GNPAT: variants seen among roughly 807,000 people sequenced by gnomAD.
GNPAT encodes the protein dihydroxyacetone phosphate acyltransferase.
GNPAT carries 30 observed loss-of-function variants against 78.4 expected under a neutral mutation model. The ratio of observed to expected loss-of-function variants is 0.38; its 90% CI spans 0.29 to 0.52. GNPAT has a LOEUF of 0.52. GNPAT is among the 20% of genes least tolerant of loss of function. The probability of loss-of-function intolerance (pLI) is 0.84; values close to 1 mark genes in which losing one functional copy is unlikely to be tolerated. For synonymous variants in GNPAT, 271 were observed against 281.1 expected (o/e 0.96, Z 0.36); for missense variants, 714 against 812.2 (o/e 0.88, Z 1.47).
chr1:231,266,256 C>A (rs187380885), intron 7 of GNPAT, 21 bp from the exon 8 acceptor site: 3 of 1,613,782 alleles, frequency 1.9e-6, no homozygotes, highest in African/African-American at 2.7e-5. Flanking sequence ...TTTTCTTCCC[C>A]CCCTGTTATG....
intron 14 of GNPAT, among the ~76,000 whole-genome samples, chr1:231,275,835 A>G (rs761756949): frequency 6.6e-6 from 1 of 152,254 alleles, no homozygotes; most frequent in Non-Finnish European, 1.5e-5. Flanking sequence ...TAATACATAT[A>G]TAGATACATA....
rs1173895630 is a variant in GNPAT, at chr1:231,266,392, A to G, written c.1040A>G (p.Tyr347Cys). 4 of 1,614,046 alleles carry G rather than the reference A, an allele frequency of 2.5e-6. No homozygotes were observed. The highest frequency in any genetic ancestry group is 1.1e-5 in the South Asian group (1 of 91,074). Residue 347 changes from tyrosine (Y) to cysteine (C), a missense_variant, in exon 8 of 16, where the codon TAT becomes TGT. Coordinates refer to ENST00000366647, the MANE Select transcript of GNPAT (RefSeq NM_014236.4). ...GCTGGGAGGATGAGTCGGAGCTCAT[A>G]TAACTTGGTTCCAAGGTGTGACCTG... ...LAAGRMSRSS[Y>C]NLVPRYIPQK...
intron 1 of GNPAT, among the ~76,000 whole-genome samples, chr1:231,244,435 T>C (rs1402142154): frequency 6.6e-6 from 1 of 152,184 alleles, no homozygotes; most frequent in Non-Finnish European, 1.5e-5. Flanking sequence ...TTTGGAACCA[T>C]TTGAATGTGG....
chr1:231,241,493 G>A (rs769584854), intron 1 of GNPAT, 37 bp downstream of exon 1: 1 of 1,399,794 alleles, frequency 7.1e-7, no homozygotes, highest in Non-Finnish European at 1.0e-6. Context: ...GAGCGGAGCC[G>A]CGCGAAATAG....
chr1:231,256,097 T>G (rs543953593), intron 2 of GNPAT, among the ~76,000 whole-genome samples: 14 of 152,312 alleles, frequency 9.2e-5, no homozygotes, highest in African/African-American at 3.4e-4. Flanking sequence ...ATTGCCAGAA[T>G]TTTAAGTACT....
chr1:231,269,093 G>C (rs537269328), intron 9 of GNPAT, among the ~76,000 whole-genome samples: 1 of 137,606 alleles, frequency 7.3e-6, no homozygotes, highest in East Asian at 2.5e-4. Flanking sequence ...GTTCCCCTGG[G>C]TTGCAGAGGG....
chr1:231,262,904 G>T (rs200140402), intron 4 of GNPAT, 52 bp downstream of exon 4: 1 of 1,350,766 alleles, frequency 7.4e-7, no homozygotes, highest in Non-Finnish European at 1.1e-6. Context: ...AAGTTCACTG[G>T]CATATTCTAG....
At chr1:231,276,613 A>T (rs1685723759) in intron 15 of GNPAT, among the ~76,000 whole-genome samples, 1 of 152,208 alleles carries the variant, frequency 6.6e-6, no homozygotes, top group African/African-American at 2.4e-5. Context: ...ACTCAGAATT[A>T]GGGCTGATAG....
intron 10 of GNPAT, among the ~76,000 whole-genome samples, chr1:231,272,067 T>G (rs2102824739): frequency 6.6e-6 from 1 of 152,250 alleles, no homozygotes; most frequent in African/African-American, 2.4e-5. Context: ...ACCATTGCAC[T>G]CCAGCCTGGG....
At chr1:231,266,220 C>G in intron 7 of GNPAT, 55 bp downstream of exon 7, 2 of 1,612,938 alleles carry the variant, frequency 1.2e-6, no homozygotes, top group South Asian at 2.2e-5. Flanking sequence ...GACACATCAA[C>G]TAATTTCTAA....
At chr1:231,241,632 T>C (rs1006932719) in intron 1 of GNPAT, among the ~76,000 whole-genome samples, 176 bp downstream of exon 1, 1 of 152,252 alleles carries the variant, frequency 6.6e-6, no homozygotes, top group Non-Finnish European at 1.5e-5. Flanking sequence ...GCTGTGTGTC[T>C]GTGTGTGCAT....
chr1:231,262,606 G>T, intron 3 of GNPAT, 117 bp from the exon 4 acceptor site: 1 of 837,174 alleles, frequency 1.2e-6, no homozygotes, highest in Admixed American at 1.8e-5. Flanking sequence ...CAAAAAGGCA[G>T]AAAAAGAGGA....
Position 231,241,222 on chromosome 1 carries a change from T to A in GNPAT, c.-157T>A. 6.6e-7 allele frequency: 1 copy of A among 1,524,570 alleles called. No homozygotes were observed. The highest frequency in any genetic ancestry group is 1.7e-5 in the Admixed American group (1 of 59,020). 94.4% of individuals were successfully genotyped at this position (1,524,570 alleles called of 1,614,324 possible). ...GGCCCTGCGCGGCTTCCGTCCTGGC[T>A]GAGATGGCGGCGCCCGGGATCCTGT... On this transcript the variant is annotated 5_prime_UTR_variant, in exon 1 of 16. Transcript: ENST00000366647.
intron 1 of GNPAT, among the ~76,000 whole-genome samples, chr1:231,249,356 ACTC>A (rs1488109871): frequency 6.6e-6 from 1 of 151,386 alleles, no homozygotes; most frequent in East Asian, 1.9e-4. Context: ...CCTTTTATAA[ACTC>A]CTCATAAATG....
At chr1:231,255,610 A>AT (rs1468437112) in intron 2 of GNPAT, among the ~76,000 whole-genome samples, 1 of 151,872 alleles carries the variant, frequency 6.6e-6, no homozygotes, top group East Asian at 1.9e-4. Flanking sequence ...GTTTTTTAAA[A>AT]TTTTTTGTAG....
intron 2 of GNPAT, among the ~76,000 whole-genome samples, chr1:231,251,524 A>G (rs1380260472): frequency 6.6e-6 from 1 of 152,224 alleles, no homozygotes; most frequent in African/African-American, 2.4e-5. Context: ...AAGTGGGGAA[A>G]GAGTATTCAA....
chr1:231,241,450 CTACTCGG>C lies in GNPAT; in HGVS notation c.75_78+3del. 1 of 1,611,134 alleles carries C rather than the reference CTACTCGG, an allele frequency of 6.2e-7. No homozygotes were observed. The highest frequency in any genetic ancestry group is 8.5e-7 in the Non-Finnish European group (1 of 1,177,330). On this transcript the variant is annotated splice_donor_variant and coding_sequence_variant, in exon 1 of 16. Coordinates refer to ENST00000366647, the MANE Select transcript of GNPAT (RefSeq NM_014236.4). LOFTEE classifies it high-confidence loss of function. The stretch of plus-strand genomic sequence containing the variant: ...CCAGTCCCAGCGCTGTCGTGCTCCT[CTACTCGG>C]TAGGCGCCCAGGGAAAAGAGGCCCA...
intron 2 of GNPAT, among the ~76,000 whole-genome samples, chr1:231,256,479 CTTTTTTTTTTTTT>C (rs10693276): frequency 1.3e-5 from 1 of 75,904 alleles, no homozygotes; most frequent in East Asian, 4.5e-4. Flanking sequence ...CTAATTTTCT[CTTTTTTTTTTTTT>C]TTTTTTTTTT....
intron 2 of GNPAT, among the ~76,000 whole-genome samples, chr1:231,259,451 C>G (rs1361430021): frequency 2.6e-5 from 4 of 151,916 alleles, no homozygotes; most frequent in Admixed American, 6.5e-5. Context: ...AGTTCAAGAC[C>G]AGCCTGACCA....
Sources: gnomAD v4.1 joint callset for allele counts (sites outside exome capture counted in the v4.1 genomes callset) on GRCh38, gnomAD v4.1.1 for gene constraint, MANE v1.5 for transcripts, NCBI Gene and HGNC (gene_info 2026-07-23, HGNC 2026-07-21) for gene names.